Variants in PLPPR1 observed in about 807,000 individuals in gnomAD.
The protein encoded by PLPPR1 is phospholipid phosphatase-related protein type 1.
Under a neutral mutation model 33.1 loss-of-function variants are expected in PLPPR1, and 10 were observed. That is an observed-to-expected ratio of 0.30 (90% confidence interval 0.19 to 0.51). PLPPR1 has a LOEUF of 0.51. Among genes scored for constraint, PLPPR1 ranks in the 20% least tolerant of loss-of-function variants. The pLI, the probability that PLPPR1 is intolerant of heterozygous loss-of-function variation, is 0.97. For missense variants in PLPPR1, 304 were observed against 408.1 expected, an observed-to-expected ratio of 0.74 and a Z score of 2.20; for synonymous variants, 151 against 151.0, an observed-to-expected ratio of 1.00 and a Z score of 0.00.
intron 1 of PLPPR1, among the ~76,000 whole-genome samples, chr9:101,057,854 T>C (rs1006525561): frequency 6.6e-6 from 1 of 152,142 alleles, no homozygotes; most frequent in African/African-American, 2.4e-5. Flanking sequence ...ACCAAGCACA[T>C]TTGTGTACAC....
At chr9:101,311,355 T>C (rs1358683188) in intron 5 of PLPPR1, among the ~76,000 whole-genome samples, 1 of 152,192 alleles carries the variant, frequency 6.6e-6, no homozygotes, top group African/African-American at 2.4e-5. Context: ...TCCAATTGCA[T>C]AAATCTTCTG....
intron 4 of PLPPR1, among the ~76,000 whole-genome samples, chr9:101,300,696 C>T (rs765731827): frequency 1.1e-4 from 16 of 152,164 alleles, no homozygotes; most frequent in Non-Finnish European, 1.8e-4. Context: ...TCTAAAAATC[C>T]AGGCCTCAAT....
chr9:101,324,001 T>C, intron 7 of PLPPR1, 24 bp from the exon 8 acceptor site: 2 of 1,610,242 alleles, frequency 1.2e-6, no homozygotes, highest in South Asian at 1.1e-5. Context: ...TCTCAGATTT[T>C]ATCTGCTTGT....
At chr9:101,228,728 G>A (rs1298218434) in intron 2 of PLPPR1, among the ~76,000 whole-genome samples, 2 of 152,006 alleles carry the variant, frequency 1.3e-5, no homozygotes, top group Non-Finnish European at 2.9e-5. Context: ...CACCATAAAC[G>A]CTAGACAGGA....
intron 2 of PLPPR1, among the ~76,000 whole-genome samples, chr9:101,247,765 G>T (rs568071119): frequency 6.6e-6 from 1 of 152,092 alleles, no homozygotes; most frequent in East Asian, 1.9e-4. Flanking sequence ...CTGGCCCCCA[G>T]GTAGAGGGAT....
At chr9:101,192,432 T>C (rs1473192659) in intron 2 of PLPPR1, among the ~76,000 whole-genome samples, 1 of 152,196 alleles carries the variant, frequency 6.6e-6, no homozygotes, top group Non-Finnish European at 1.5e-5. Flanking sequence ...GTCCTGGCTC[T>C]GCCATTTATT....
At chr9:101,095,840 A>G (rs141392994) in intron 1 of PLPPR1, among the ~76,000 whole-genome samples, 1 of 152,130 alleles carries the variant, frequency 6.6e-6, no homozygotes, top group Non-Finnish European at 1.5e-5. Flanking sequence ...TAAGTTCTCA[A>G]TCAATACTCT....
chr9:101,323,510 C>A (rs1434932066), intron 7 of PLPPR1, among the ~76,000 whole-genome samples: 1 of 149,202 alleles, frequency 6.7e-6, no homozygotes, highest in Non-Finnish European at 1.5e-5. Flanking sequence ...AGAAGTTATC[C>A]TATTTTGGAT....
intron 1 of PLPPR1, among the ~76,000 whole-genome samples, chr9:101,069,551 A>G (rs1241236423): frequency 6.6e-6 from 1 of 152,124 alleles, no homozygotes; most frequent in Admixed American, 6.6e-5. Context: ...CTGCCTGCAC[A>G]TTGGAATTAC....
intron 1 of PLPPR1, among the ~76,000 whole-genome samples, chr9:101,163,992 TATCAGGGAGTCAC>T (rs1238078802): frequency 6.6e-6 from 1 of 152,208 alleles, no homozygotes; most frequent in African/African-American, 2.4e-5. Context: ...TCAGGACATG[TATCAGGGAGTCAC>T]CATCCCTGCA....
intron 2 of PLPPR1, among the ~76,000 whole-genome samples, chr9:101,229,042 G>A (rs1294509231): frequency 6.6e-6 from 1 of 150,502 alleles, no homozygotes; most frequent in African/African-American, 2.4e-5. Flanking sequence ...GACCTGCCTT[G>A]TTCAAATTGG....
intron 6 of PLPPR1, among the ~76,000 whole-genome samples, chr9:101,313,890 AT>A (rs1359387037): frequency 1.3e-5 from 2 of 152,072 alleles, no homozygotes; most frequent in Non-Finnish European, 2.9e-5. Context: ...CTTTTCTACG[AT>A]TTCATATTAA....
At chr9:101,188,346 A>C (rs1826239022) in intron 2 of PLPPR1, among the ~76,000 whole-genome samples, 1 of 152,116 alleles carries the variant, frequency 6.6e-6, no homozygotes, top group African/African-American at 2.4e-5. Context: ...ATATTTGTAT[A>C]TCAATTTCTT....
intron 1 of PLPPR1, among the ~76,000 whole-genome samples, chr9:101,061,343 A>G (rs1197518526): frequency 6.6e-6 from 1 of 152,012 alleles, no homozygotes; most frequent in Non-Finnish European, 1.5e-5. Context: ...TATTAAAAAA[A>G]CATGTTAATT....
intron 1 of PLPPR1, among the ~76,000 whole-genome samples, chr9:101,169,787 ATC>A (rs1188052775): frequency 1.3e-5 from 2 of 152,090 alleles, no homozygotes; most frequent in Non-Finnish European, 2.9e-5. Context: ...CAATAGAATC[ATC>A]TCTCTTTTCA....
At chr9:101,040,901 A>G (rs1830069664) in intron 1 of PLPPR1, among the ~76,000 whole-genome samples, 1 of 152,190 alleles carries the variant, frequency 6.6e-6, no homozygotes, top group African/African-American at 2.4e-5. Context: ...ATTAAAATGT[A>G]TTTAATAAAT....
intron 2 of PLPPR1, among the ~76,000 whole-genome samples, chr9:101,202,560 C>A (rs1306518168): frequency 6.6e-6 from 1 of 152,122 alleles, no homozygotes. Context: ...CAGAAGCCAA[C>A]CGTAAAATGA....
intron 2 of PLPPR1, among the ~76,000 whole-genome samples, chr9:101,189,725 C>T (rs1443275495): frequency 6.6e-6 from 1 of 152,134 alleles, no homozygotes. Flanking sequence ...CATTCTTTCA[C>T]TCCATCTCTT....
chr9:101,299,511 C>A (rs994893647), intron 4 of PLPPR1, among the ~76,000 whole-genome samples: 7 of 152,258 alleles, frequency 4.6e-5, no homozygotes, highest in African/African-American at 1.7e-4. Context: ...TGATTGTCAT[C>A]CTTGGTGAGC....
Sources: gnomAD v4.1 joint callset for allele counts (sites outside exome capture counted in the v4.1 genomes callset) on GRCh38, gnomAD v4.1.1 for gene constraint, MANE v1.5 for transcripts, NCBI Gene and HGNC (gene_info 2026-07-23, HGNC 2026-07-21) for gene names.